PPP3CA: variants seen among roughly 807,000 people sequenced by gnomAD.
The protein encoded by PPP3CA is CAM-PRP catalytic subunit.
PPP3CA carries 14 observed loss-of-function variants against 66.5 expected under a neutral mutation model. The ratio of observed to expected loss-of-function variants is 0.21; its 90% CI spans 0.14 to 0.33. The LOEUF (loss-of-function observed/expected upper bound fraction) is 0.33, where lower values mean the gene tolerates loss of function less well. Ranked by LOEUF, PPP3CA falls within the 10% of genes least tolerant of loss-of-function variation. The pLI is 1.00. For synonymous variants in PPP3CA, 232 were observed against 226.2 expected (o/e 1.03, Z -0.23); for missense variants, 317 against 639.5 (o/e 0.50, Z 5.44).
chr4:101,099,399 TTCAA>T (rs1272455081), intron 4 of PPP3CA, among the ~76,000 whole-genome samples: 5 of 152,114 alleles, frequency 3.3e-5, no homozygotes, highest in Non-Finnish European at 7.4e-5. Flanking sequence ...ATTCAAATTC[TTCAA>T]TCACTTTATA....
At chr4:101,226,111 G>A (rs971001586) in intron 1 of PPP3CA, among the ~76,000 whole-genome samples, 5 of 151,706 alleles carry the variant, frequency 3.3e-5, no homozygotes, top group African/African-American at 1.2e-4. Flanking sequence ...ATAGGCCCTA[G>A]TAGGAAGGTC....
chr4:101,190,984 T>G (rs1724583227), intron 2 of PPP3CA, among the ~76,000 whole-genome samples: 2 of 152,152 alleles, frequency 1.3e-5, no homozygotes, highest in African/African-American at 4.8e-5. Context: ...AATGCAGAAG[T>G]AGAATAGTGT....
At chr4:101,304,899 G>C (rs1452508772) in intron 1 of PPP3CA, among the ~76,000 whole-genome samples, 1 of 152,124 alleles carries the variant, frequency 6.6e-6, no homozygotes. Flanking sequence ...AACTAAACAG[G>C]CCAGTCAGTC....
chr4:101,075,962 T>C (rs1315764194), intron 8 of PPP3CA, among the ~76,000 whole-genome samples: 1 of 152,162 alleles, frequency 6.6e-6, no homozygotes, highest in Non-Finnish European at 1.5e-5. Context: ...TGGAGCTTGG[T>C]ATATAGTAAG....
At chr4:101,278,704 A>G (rs2110275340) in intron 1 of PPP3CA, among the ~76,000 whole-genome samples, 1 of 152,298 alleles carries the variant, frequency 6.6e-6, no homozygotes, top group Middle Eastern at 3.4e-3. Flanking sequence ...GTCTGTTACA[A>G]CTTTTATCTT....
intron 1 of PPP3CA, among the ~76,000 whole-genome samples, chr4:101,323,187 T>G (rs1007969839): frequency 2.0e-5 from 3 of 152,128 alleles, no homozygotes; most frequent in African/African-American, 7.2e-5. Flanking sequence ...TTGCTTGCCC[T>G]CTAACTTGCC....
chr4:101,235,766 C>G (rs1333565434), intron 1 of PPP3CA, among the ~76,000 whole-genome samples: 1 of 151,774 alleles, frequency 6.6e-6, no homozygotes, highest in East Asian at 1.9e-4. Flanking sequence ...TAGCTTCCCT[C>G]ACTGATGTTA....
chr4:101,032,500 T>C (rs543394457), intron 11 of PPP3CA, 136 bp from the exon 12 acceptor site: 3 of 672,680 alleles, frequency 4.5e-6, no homozygotes, highest in Admixed American at 5.7e-5. Flanking sequence ...TTTTTTAAAA[T>C]TTTTTTTAAC....
chr4:101,139,547 ACTTTATTCG>A (rs1722731911), intron 2 of PPP3CA, among the ~76,000 whole-genome samples: 1 of 152,002 alleles, frequency 6.6e-6, no homozygotes, highest in Non-Finnish European at 1.5e-5. Flanking sequence ...GCTCACAAAT[ACTTTATTCG>A]ACCCCTAAAA....
intron 1 of PPP3CA, among the ~76,000 whole-genome samples, chr4:101,337,237 T>A (rs1432428626): frequency 6.6e-6 from 1 of 152,214 alleles, no homozygotes; most frequent in Non-Finnish European, 1.5e-5. Flanking sequence ...TTCTAAATAT[T>A]TTCTCTTCTT....
At chr4:101,096,010 G>A (rs1469101262) in intron 5 of PPP3CA, among the ~76,000 whole-genome samples, 1 of 152,076 alleles carries the variant, frequency 6.6e-6, no homozygotes, top group African/African-American at 2.4e-5. Context: ...TAAATATAGA[G>A]CAAAGACCAA....
chr4:101,169,896 T>C (rs1723819216), intron 2 of PPP3CA, among the ~76,000 whole-genome samples: 1 of 152,200 alleles, frequency 6.6e-6, no homozygotes, highest in East Asian at 1.9e-4. Flanking sequence ...GAGTCAGTTT[T>C]GATTCTGAAA....
intron 12 of PPP3CA, 152 bp from the exon 13 acceptor site, chr4:101,029,347 T>TAAAAAAAAAAAAAAAAAAAAAAACAAA (rs1726818285): frequency 1.3e-5 from 1 of 78,820 alleles, no homozygotes; most frequent in Admixed American, 1.9e-4. Flanking sequence ...ACAGAAATGC[T>TAAAAAAAAAAAAAAAAAAAAAAACAAA]AAAAAAAAAA....
At chr4:101,223,324 T>C (rs761135949) in intron 1 of PPP3CA, among the ~76,000 whole-genome samples, 2 of 151,776 alleles carry the variant, frequency 1.3e-5, no homozygotes, top group Admixed American at 1.3e-4. Context: ...CAGATTTAGA[T>C]AGAAATCATA....
At chr4:101,291,078 G>T (rs1427837284) in intron 1 of PPP3CA, among the ~76,000 whole-genome samples, 1 of 152,168 alleles carries the variant, frequency 6.6e-6, no homozygotes, top group Non-Finnish European at 1.5e-5. Flanking sequence ...AACCAGGATT[G>T]TTTACATTAT....
intron 2 of PPP3CA, among the ~76,000 whole-genome samples, chr4:101,157,725 A>G (rs768334973): frequency 6.6e-6 from 1 of 152,148 alleles, no homozygotes; most frequent in Admixed American, 6.6e-5. Flanking sequence ...AAGTTTGTTC[A>G]ATGCTTTTTT....
intron 2 of PPP3CA, among the ~76,000 whole-genome samples, chr4:101,133,856 C>G (rs937521039): frequency 6.6e-6 from 1 of 152,166 alleles, no homozygotes; most frequent in South Asian, 2.1e-4. Flanking sequence ...TACTACAAGG[C>G]TACAGTAACC....
At chr4:101,089,956 T>C (rs1003387852) in intron 6 of PPP3CA, among the ~76,000 whole-genome samples, 7 of 152,200 alleles carry the variant, frequency 4.6e-5, no homozygotes, top group Non-Finnish European at 8.8e-5. Context: ...ACATGTTAGA[T>C]AGTGGATAGG....
chr4:101,114,363 T>C (rs1184356078), intron 2 of PPP3CA, among the ~76,000 whole-genome samples: 1 of 152,144 alleles, frequency 6.6e-6, no homozygotes, highest in Non-Finnish European at 1.5e-5. Flanking sequence ...AGCAACCTGA[T>C]ATGACACAAA....
Sources: allele counts gnomAD v4.1 joint callset (sites outside exome capture counted in the v4.1 genomes callset), GRCh38; gene constraint gnomAD v4.1.1; transcripts MANE v1.5; gene names NCBI Gene and HGNC (gene_info 2026-07-23, HGNC 2026-07-21).